The following VAC14 variants were observed in gnomAD, a reference collection of about 807,000 sequenced individuals.
VAC14 encodes the protein VAC14 component of PIKFYVE complex.
In VAC14, 47 loss-of-function variants were observed where a neutral mutation model predicts 85.3. The ratio of observed to expected loss-of-function variants is 0.55; its 90% confidence interval spans 0.44 to 0.70. The LOEUF (loss-of-function observed/expected upper bound fraction) is 0.70, where lower values mean the gene tolerates loss of function less well. Among genes scored for constraint, VAC14 ranks in the 30% least tolerant of loss-of-function variants. The pLI is 0.00. For synonymous variants in VAC14, 447 were observed against 430.5 expected (o/e 1.04, Z -0.47); for missense variants, 861 against 1,004.3 (o/e 0.86, Z 1.93).
chr16:70,769,511 C>T (rs1201519667), intron 10 of VAC14: 3 of 152,268 alleles, frequency 2.0e-5, no homozygotes, highest in Non-Finnish European at 4.4e-5. Flanking sequence ...TTGAGCACAG[C>T]TGGTGACACT....
intron 14 of VAC14, among the ~76,000 whole-genome samples, chr16:70,727,122 AAC>A (rs1213918507): frequency 6.6e-6 from 1 of 152,182 alleles, no homozygotes. Flanking sequence ...CCCAGAGCTA[AAC>A]ACACTCCTGC....
At position 70,762,639 on chromosome 16, in the gene VAC14, G is replaced by T; in HGVS notation, c.1306-34C>A. 6.2e-7 allele frequency: 1 copy of T among 1,608,432 alleles called. No homozygotes were observed. On this transcript the variant is annotated intron_variant, in intron 11 of 18. Coordinates refer to ENST00000261776, the MANE Select transcript of VAC14 (RefSeq NM_018052.5). The surrounding 1 kb of genome is among the most constrained non-coding windows in gnomAD (Gnocchi z 4.1). The stretch of plus-strand genomic sequence containing the variant: ...CAGAGAAGCAGGGGTGCCCGTGAGT[G>T]CTCCCTTCGCCCCGGGACTACGTGC...
At position 70,761,016 on chromosome 16, in the gene VAC14, T is replaced by TGTGTGTGTGTGC. The variant is rs1413571677; in HGVS notation, c.1371+1523_1371+1524insGCACACACACAC. 1.9e-4 allele frequency: 58 copies of TGTGTGTGTGTGC among 300,914 alleles called. 4 individuals carry two copies. In the African/African-American group the frequency reaches 2.3e-3, roughly 12 times the overall value. 18.6% of individuals were successfully genotyped at this position (300,914 alleles called of 1,614,324 possible). On this transcript the variant is annotated intron_variant, in intron 12 of 18. Coordinates refer to ENST00000261776, the MANE Select transcript of VAC14 (RefSeq NM_018052.5). ...GTGTGTGTGTGTGTGTGTGTGTGTG[T>TGTGTGTGTGTGC]GTGCATGGGGGGGCGGGGGGTAGGC...
intron 14 of VAC14, among the ~76,000 whole-genome samples, chr16:70,703,972 T>G (rs1181695019): frequency 5.9e-5 from 9 of 151,498 alleles, no homozygotes; most frequent in Non-Finnish European, 1.0e-4. Flanking sequence ...GAGCAGCATC[T>G]GCCTGGAGGT....
chr16:70,716,986 C>T (rs1306597536), intron 14 of VAC14: 1 of 152,286 alleles, frequency 6.6e-6, no homozygotes, highest in African/African-American at 2.4e-5. Context: ...CAGTTACCCC[C>T]ATGGTGGCCC....
chr16:70,696,343 T>C (rs1355482412), intron 16 of VAC14, among the ~76,000 whole-genome samples: 1 of 152,094 alleles, frequency 6.6e-6, no homozygotes, highest in East Asian at 1.9e-4. Context: ...TGAGACCCTG[T>C]CTCTACTAAA....
At chr16:70,770,173 T>C (rs2033111392) in intron 10 of VAC14, 3 of 152,062 alleles carry the variant, frequency 2.0e-5, no homozygotes, top group African/African-American at 7.2e-5. Context: ...ATAGCGGGGG[T>C]CTGGCTCACA....
intron 14 of VAC14, among the ~76,000 whole-genome samples, chr16:70,725,020 T>A (rs1032360209): frequency 2.0e-5 from 3 of 152,224 alleles, no homozygotes; most frequent in African/African-American, 7.2e-5. Flanking sequence ...ACGCAATCCA[T>A]TAAAAGGGTG....
At chr16:70,688,269 A>G in intron 18 of VAC14, 179 bp from the exon 19 acceptor site, 3 of 1,243,378 alleles carry the variant, frequency 2.4e-6, no homozygotes, top group Non-Finnish European at 3.0e-6. Context: ...GCCCCTGAGC[A>G]TCCCCCTCTT....
intron 13 of VAC14, 98 bp from the exon 14 acceptor site, chr16:70,731,725 ATG>A: frequency 7.5e-7 from 1 of 1,337,508 alleles, no homozygotes. Context: ...TGCCAAAAAG[ATG>A]TGTGTGGGGG....
chr16:70,795,758 A>G (rs187391538), intron 1 of VAC14, among the ~76,000 whole-genome samples: 1 of 152,300 alleles, frequency 6.6e-6, no homozygotes, highest in Admixed American at 6.5e-5. Context: ...GGAGAGTTAC[A>G]TTTGCTGGCT....
At chr16:70,737,588 C>T (rs192380469) in intron 13 of VAC14, among the ~76,000 whole-genome samples, 1 of 152,274 alleles carries the variant, frequency 6.6e-6, no homozygotes, top group Non-Finnish European at 1.5e-5. Context: ...AGGAAGTGCA[C>T]GTGACCGGCG....
At chr16:70,697,919 G>A (rs952491789) in intron 15 of VAC14, among the ~76,000 whole-genome samples, 7 of 152,136 alleles carry the variant, frequency 4.6e-5, no homozygotes, top group African/African-American at 1.4e-4. Context: ...CAGGGGACCT[G>A]GGAAATGAAA....
chr16:70,783,643 G>C lies in VAC14; in HGVS notation c.595-89C>G, dbSNP rs878906583. Reference sequence around the variant, plus strand: ...CCTCTGGGACTGGGCTGTAGGAAGGGGACCCTGCTGAGACAGCATTTCCCT... The same window carrying C: ...CCTCTGGGACTGGGCTGTAGGAAGGCGACCCTGCTGAGACAGCATTTCCCT... On this transcript the variant is annotated intron_variant, in intron 5 of 18. Coordinates refer to ENST00000261776, the MANE Select transcript of VAC14 (RefSeq NM_018052.5). The C allele has an allele frequency of 3.8e-6, 5 of 1,314,318 alleles. No individual in the cohort carries two copies. In the South Asian group the frequency reaches 4.8e-5, roughly 13 times the overall value. 81.4% of individuals were successfully genotyped at this position (1,314,318 alleles called of 1,614,324 possible).
chr16:70,800,853 G>A lies in VAC14; in HGVS notation c.48C>T (p.Arg16=), dbSNP rs61747638. ...DFAPLTPNIV[R]ALNDKLYEKR... is the part of the protein sequence containing the mutation. ...TTTCGTACAGCTTGTCATTGAGGGC[G>A]CGCACGATGTTAGGCGTGAGCGGCG... The change falls in exon 1 of 19, where the codon CGC becomes CGT. Residue 16 remains arginine, a synonymous_variant. Coordinates refer to ENST00000261776, the MANE Select transcript of VAC14 (RefSeq NM_018052.5). 10,812 of 1,608,260 alleles carry A rather than the reference G, an allele frequency of 6.7e-3. 687 individuals carry two copies. The African/African-American group carries it at 0.13, about 19-fold the overall frequency.
At chr16:70,764,471 A>G (rs1020449594) in intron 10 of VAC14, among the ~76,000 whole-genome samples, 1 of 152,192 alleles carries the variant, frequency 6.6e-6, no homozygotes, top group Non-Finnish European at 1.5e-5. Flanking sequence ...AGAGGAGTCT[A>G]GGGCGGTAAA....
intron 12 of VAC14, chr16:70,756,235 G>A (rs1374298574): frequency 8.5e-6 from 3 of 351,898 alleles, no homozygotes; most frequent in Non-Finnish European, 1.7e-5. Flanking sequence ...GGGCTGGGCT[G>A]AGGCTCCAGG....
chr16:70,743,134 A>G (rs1035274445), intron 13 of VAC14, among the ~76,000 whole-genome samples: 2 of 152,190 alleles, frequency 1.3e-5, no homozygotes, highest in Admixed American at 6.5e-5. Flanking sequence ...AAGGATTGTA[A>G]ACACACCAAT....
At chr16:70,752,004 T>C (rs746321050) in intron 12 of VAC14, among the ~76,000 whole-genome samples, 20 of 152,230 alleles carry the variant, frequency 1.3e-4, no homozygotes, top group Non-Finnish European at 2.8e-4. Flanking sequence ...TACTTAGGCC[T>C]AGACCCATTT....
Sources: gnomAD v4.1 joint callset for allele counts (sites outside exome capture counted in the v4.1 genomes callset) on GRCh38, gnomAD v4.1.1 for gene constraint, Gnocchi (gnomAD v3.1) non-coding constraint, MANE v1.5 for transcripts, NCBI Gene and HGNC (gene_info 2026-07-23, HGNC 2026-07-21) for gene names.